HSD17B12: variants seen among roughly 807,000 people sequenced by gnomAD.
HSD17B12 encodes the protein very-long-chain 3-oxoacyl-CoA reductase.
HSD17B12 carries 32 observed loss-of-function variants against 39.3 expected under a neutral mutation model. The ratio of observed to expected loss-of-function variants is 0.81; its 90% CI spans 0.61 to 1.09. The LOEUF (loss-of-function observed/expected upper bound fraction) is 1.09. Ranked by LOEUF, HSD17B12 falls within the 50% of genes least tolerant of loss-of-function variation. The pLI is 0.00. For synonymous variants in HSD17B12, 150 were observed against 146.7 expected (o/e 1.02, Z -0.16); for missense variants, 342 against 382.9 (o/e 0.89, Z 0.89).
chr11:43,806,856 G>C (rs1165367950), intron 4 of HSD17B12, among the ~76,000 whole-genome samples: 1 of 152,140 alleles, frequency 6.6e-6, no homozygotes, highest in Non-Finnish European at 1.5e-5. Context: ...AAAAGATAAA[G>C]ATTTAAGGTT....
At chr11:43,641,886 T>A in the HSD17B12 span, among the ~76,000 whole-genome samples, 1 of 151,904 alleles carries the variant, frequency 6.6e-6, no homozygotes, top group African/African-American at 2.4e-5. Flanking sequence ...TGAAGTATTT[T>A]ATGAAATTAA....
At chr11:43,819,878 T>C (rs996235863) in intron 6 of HSD17B12, among the ~76,000 whole-genome samples, 2 of 152,204 alleles carry the variant, frequency 1.3e-5, no homozygotes, top group African/African-American at 4.8e-5. Context: ...CATCCCTTCA[T>C]TTATCTTTAA....
rs900902374 is a variant in HSD17B12, at chr11:43,783,418, T to G, written c.284-14902T>G. On this transcript the variant is annotated intron_variant, in intron 3 of 10. Coordinates refer to ENST00000278353, the MANE Select transcript of HSD17B12 (RefSeq NM_016142.3). ...AGAGCTTTTTTTTTTTTTTTACTTT[T>G]TTTTTTAAATTATACTTTAAGTTCT... 5.3e-5 allele frequency among the ~76,000 whole-genome samples: 8 copies of G among 152,150 alleles called. No individual in the cohort carries two copies. In the East Asian group the frequency reaches 5.8e-4, roughly 11 times the overall value.
chr11:43,650,137 T>C, the HSD17B12 span, among the ~76,000 whole-genome samples: 1 of 152,194 alleles, frequency 6.6e-6, no homozygotes, highest in African/African-American at 2.4e-5. Context: ...TGTTTTGCCA[T>C]GACAGATAAC....
chr11:43,634,595 C>T, the HSD17B12 span, among the ~76,000 whole-genome samples: 1 of 152,154 alleles, frequency 6.6e-6, no homozygotes, highest in Non-Finnish European at 1.5e-5. Context: ...ATTGTGGTCT[C>T]CTTTTCCCAC....
At chr11:43,612,698 A>C in the HSD17B12 span, among the ~76,000 whole-genome samples, 2 of 152,226 alleles carry the variant, frequency 1.3e-5, no homozygotes, top group African/African-American at 4.8e-5. Context: ...GAGCCTGTAA[A>C]GGATGAAGGA....
chr11:43,635,491 AAAT>A, the HSD17B12 span, among the ~76,000 whole-genome samples: 1 of 152,202 alleles, frequency 6.6e-6, no homozygotes, highest in Non-Finnish European at 1.5e-5. Context: ...AATGAAAACA[AAAT>A]AATTTTTATT....
At chr11:43,787,368 G>A (rs1950824989) in intron 3 of HSD17B12, among the ~76,000 whole-genome samples, 1 of 152,158 alleles carries the variant, frequency 6.6e-6, no homozygotes, top group Non-Finnish European at 1.5e-5. Context: ...GCTGTTTTCT[G>A]TGTTGAACAG....
chr11:43,730,494 TGGTTTTGACTTCTCA>T (rs1234717043), intron 1 of HSD17B12, among the ~76,000 whole-genome samples: 1 of 152,232 alleles, frequency 6.6e-6, no homozygotes, highest in Non-Finnish European at 1.5e-5. Flanking sequence ...TGAGCTTCCA[TGGTTTTGACTTCTCA>T]GGGATGAGAA....
chr11:43,615,955 T>C, the HSD17B12 span, among the ~76,000 whole-genome samples: 1 of 152,168 alleles, frequency 6.6e-6, no homozygotes, highest in Admixed American at 6.5e-5. Flanking sequence ...CAAACTCTAG[T>C]TTAATGCTTT....
In HSD17B12 at chr11:43,680,923, G is replaced by C. The variant is rs374710703; in HGVS notation, c.96G>C (p.Thr32=). The C allele has an allele frequency of 3.7e-6, 6 of 1,613,576 alleles. No individual in the cohort carries two copies. The highest frequency in any genetic ancestry group is 1.1e-5 in the South Asian group (1 of 91,068). The change falls in exon 1 of 11, where the codon ACG becomes ACC. Residue 32 remains threonine, a synonymous_variant. Transcript: ENST00000278353. ...TGCGTATTTCGTACTCGCTCTTCAC[G>C]GCCCTCCGGGTCTGGGGAGTGGGGA... is the stretch of plus-strand genomic sequence containing the variant. ...LALRISYSLF[T]ALRVWGVGNE...
At chr11:43,690,597 T>G (rs192719882) in intron 1 of HSD17B12, among the ~76,000 whole-genome samples, 44 of 151,192 alleles carry the variant, frequency 2.9e-4, no homozygotes, top group African/African-American at 1.0e-3. Context: ...CTTCTCTTTT[T>G]ACATTCTCTT....
At chr11:43,607,216 A>G in the HSD17B12 span, among the ~76,000 whole-genome samples, 1 of 151,976 alleles carries the variant, frequency 6.6e-6, no homozygotes, top group Non-Finnish European at 1.5e-5. Context: ...TATGACAGGG[A>G]TCATGGAAGA....
At chr11:43,786,442 G>A (rs1456472494) in intron 3 of HSD17B12, among the ~76,000 whole-genome samples, 1 of 152,170 alleles carries the variant, frequency 6.6e-6, no homozygotes, top group Admixed American at 6.5e-5. Flanking sequence ...GGGTGCCACT[G>A]CTTTGATTCT....
intron 3 of HSD17B12, among the ~76,000 whole-genome samples, chr11:43,765,381 G>A (rs958581506): frequency 1.3e-5 from 2 of 151,668 alleles, no homozygotes; most frequent in African/African-American, 4.8e-5. Context: ...CTGATAAGAA[G>A]TCAGCTGTTA....
chr11:43,756,270 G>A (rs1162284546), intron 3 of HSD17B12, among the ~76,000 whole-genome samples: 1 of 151,302 alleles, frequency 6.6e-6, no homozygotes, highest in African/African-American at 2.4e-5. Context: ...TCTTTACAAA[G>A]CTGAGCATGT....
the HSD17B12 span, among the ~76,000 whole-genome samples, chr11:43,598,722 G>A: frequency 6.6e-6 from 1 of 152,044 alleles, no homozygotes; most frequent in Non-Finnish European, 1.5e-5. Context: ...TCCATCTCCG[G>A]TCTCTGCTCT....
chr11:43,823,362 C>G (rs1265045165), intron 6 of HSD17B12, among the ~76,000 whole-genome samples: 2 of 152,128 alleles, frequency 1.3e-5, no homozygotes. Flanking sequence ...CGTCAAACTA[C>G]TGGGCTCAAG....
In HSD17B12 at chr11:43,767,127, G is replaced by T. The variant is rs571244552; in HGVS notation, c.283+13006G>T. On this transcript the variant is annotated intron_variant, in intron 3 of 10. Transcript: ENST00000278353. ...ACTAGCTGTACCTCTCAACATATTT[G>T]CCTATGTTTGTATGGTTTCTTTAAA... Among the ~76,000 whole-genome samples, 5 of 151,986 alleles carry T rather than the reference G, an allele frequency of 3.3e-5. No individual in the cohort carries two copies. The South Asian group carries it at 1.0e-3, about 32-fold the overall frequency.
Sources: gnomAD v4.1 joint callset for allele counts (sites outside exome capture counted in the v4.1 genomes callset) on GRCh38, gnomAD v4.1.1 for gene constraint, MANE v1.5 for transcripts, NCBI Gene and HGNC (gene_info 2026-07-23, HGNC 2026-07-21) for gene names.